The following ASAP2 variants were observed in gnomAD, a reference collection of about 807,000 sequenced individuals.
ASAP2 encodes ArfGAP with SH3 domain, ankyrin repeat and PH domain 2, also known as arf-GAP with SH3 domain, ANK repeat and PH domain-containing protein 2.
Under a neutral mutation model 131.4 loss-of-function variants are expected in ASAP2, and 45 were observed. That is an observed-to-expected ratio of 0.34 (90% confidence interval 0.27 to 0.44). The LOEUF is 0.44. Among genes scored for constraint, ASAP2 ranks in the 20% least tolerant of loss-of-function variants. The pLI is 1.00. For synonymous variants in ASAP2, 510 were observed against 503.0 expected (o/e 1.01, Z -0.19); for missense variants, 1,011 against 1,297.0 (o/e 0.78, Z 3.39).
intron 4 of ASAP2, 25 bp from the exon 5 acceptor site, chr2:9,320,263 C>A: frequency 6.3e-7 from 1 of 1,594,468 alleles, no homozygotes; most frequent in Non-Finnish European, 8.6e-7. Context: ...TTAGTCTTGC[C>A]TAATTTATTA....
At position 9,270,937 on chromosome 2, in the gene ASAP2, T is replaced by C. The variant is rs371266206; in HGVS notation, c.127-8380T>C. ...CCTCCCGAGTAGCTGGGACTACAGG[T>C]GCCCGCCACTACGCCCGGCTAATTT... On this transcript the variant is annotated intron_variant, in intron 1 of 27. Coordinates refer to ENST00000281419, the MANE Select transcript of ASAP2 (RefSeq NM_003887.3). 2.2e-3 allele frequency among the ~76,000 whole-genome samples: 334 copies of C among 151,260 alleles called. 2 individuals carry two copies. The highest frequency in any genetic ancestry group is 7.0e-3 in the African/African-American group (289 of 41,198).
intron 11 of ASAP2, 36 bp downstream of exon 11, chr2:9,344,836 A>G (rs760314853): frequency 1.6e-5 from 25 of 1,582,094 alleles, no homozygotes; most frequent in Non-Finnish European, 2.2e-5. Flanking sequence ...TGTCTGCTGT[A>G]TTAGGTGAGG....
At chr2:9,221,057 G>T (rs1225930778) in intron 1 of ASAP2, among the ~76,000 whole-genome samples, 3 of 151,932 alleles carry the variant, frequency 2.0e-5, no homozygotes, top group Non-Finnish European at 4.4e-5. Flanking sequence ...TTAACTGTAG[G>T]CCTTATGGTA....
At chr2:9,263,190 A>G (rs1452097085) in intron 1 of ASAP2, among the ~76,000 whole-genome samples, 3 of 151,758 alleles carry the variant, frequency 2.0e-5, no homozygotes, top group African/African-American at 7.3e-5. Flanking sequence ...TTCTGGTGTC[A>G]TGTCCCCTCT....
chr2:9,334,676 G>C (rs1671082028), intron 7 of ASAP2, 62 bp from the exon 8 acceptor site: 13 of 1,505,336 alleles, frequency 8.6e-6, no homozygotes, highest in Non-Finnish European at 1.0e-5. Context: ...TTTTTAATCT[G>C]TCTGACAAAA....
At position 9,207,184 on chromosome 2, in the gene ASAP2, C is replaced by G; in HGVS notation, c.80C>G (p.Thr27Ser). The G allele has an allele frequency of 1.2e-6, 2 of 1,604,582 alleles. No homozygotes were observed. The highest frequency in any genetic ancestry group is 2.2e-5 in the South Asian group (2 of 89,974). ...AAGGCGCCCACGGCCTCCAGCTTCA[C>G]CACCCGCACGGCGCAGTGCCGGAAC... ...DYKAPTASSFTTRTAQCRNTV... is the reference protein window; with the variant it reads ...DYKAPTASSFSTRTAQCRNTV... Residue 27 changes from threonine (T) to serine (S), a missense_variant, in exon 1 of 28, where the codon ACC (threonine) becomes AGC (serine). Thr to Ser is a moderately conservative substitution (Grantham distance 58). Around this residue, in one of 2 missense-constraint regions of ASAP2, gnomAD observed 359 missense variants for 598.1 expected, o/e 0.60. Coordinates refer to ENST00000281419, the MANE Select transcript of ASAP2 (RefSeq NM_003887.3). The surrounding 1 kb of genome is among the most constrained non-coding windows in gnomAD (Gnocchi z 4.1).
At chr2:9,337,236 TG>T (rs1025242045) in intron 9 of ASAP2, among the ~76,000 whole-genome samples, 5 of 152,240 alleles carry the variant, frequency 3.3e-5, no homozygotes, top group African/African-American at 4.8e-5. Context: ...CTCCTAGTTG[TG>T]GGCGTGTTGT....
chr2:9,231,657 G>A (rs897072968), intron 1 of ASAP2, among the ~76,000 whole-genome samples: 1 of 152,192 alleles, frequency 6.6e-6, no homozygotes, highest in African/African-American at 2.4e-5. Flanking sequence ...GCACAGCAGC[G>A]GGCCTGTCTG....
At chr2:9,216,777 ATT>A (rs1262881436) in intron 1 of ASAP2, among the ~76,000 whole-genome samples, 1 of 151,146 alleles carries the variant, frequency 6.6e-6, no homozygotes, top group African/African-American at 2.4e-5. Context: ...TAATTTTTGT[ATT>A]TTTTTGTAGA....
At chr2:9,353,643 T>C (rs936107388) in intron 12 of ASAP2, among the ~76,000 whole-genome samples, 5 of 152,190 alleles carry the variant, frequency 3.3e-5, no homozygotes, top group African/African-American at 9.6e-5. Context: ...TGTGTGCATC[T>C]GCCAGGCACT....
At position 9,327,900 on chromosome 2, in the gene ASAP2, T is replaced by G; in HGVS notation, c.675T>G (p.His225Gln). 1 of 1,575,894 alleles carries G rather than the reference T, an allele frequency of 6.3e-7. No individual in the cohort carries two copies. The highest frequency in any genetic ancestry group is 8.6e-7 in the Non-Finnish European group (1 of 1,167,820). Reference protein sequence around the residue: ...DLLQNLIKYFHAQCNFFQDGL... With the variant: ...DLLQNLIKYFQAQCNFFQDGL... ...TTCAGAATCTGATCAAATACTTTCA[T>G]GCCCAATGCAAGTAAGTTCTTCTCT... The change falls in exon 7 of 28, where the codon CAT (histidine) becomes CAG (glutamine). Residue 225 changes from histidine (H) to glutamine (Q), a missense_variant. Physicochemically the swap from His to Gln is conservative, Grantham distance 24 (BLOSUM62 0). This residue lies in a region of ASAP2 where 359 missense variants were observed against 598.1 expected (regional missense o/e 0.60). Coordinates refer to ENST00000281419, the MANE Select transcript of ASAP2 (RefSeq NM_003887.3).
chr2:9,358,291 T>C (rs1672846232), intron 14 of ASAP2, among the ~76,000 whole-genome samples: 1 of 152,262 alleles, frequency 6.6e-6, no homozygotes, highest in African/African-American at 2.4e-5. Context: ...GCATATCTTA[T>C]GTACATAGTA....
chr2:9,357,717 C>A (rs965781566), intron 14 of ASAP2, among the ~76,000 whole-genome samples: 3 of 152,152 alleles, frequency 2.0e-5, no homozygotes, highest in African/African-American at 7.2e-5. Flanking sequence ...CTCCGCAAAG[C>A]ACAAATACAG....
chr2:9,250,051 T>C (rs766125300), intron 1 of ASAP2, among the ~76,000 whole-genome samples: 7 of 152,242 alleles, frequency 4.6e-5, no homozygotes, highest in Non-Finnish European at 7.3e-5. Context: ...ACTTACTCAC[T>C]TGAGTTTCAG....
At chr2:9,342,813 A>G (rs1313762575) in intron 9 of ASAP2, among the ~76,000 whole-genome samples, 7 of 152,196 alleles carry the variant, frequency 4.6e-5, no homozygotes, top group African/African-American at 1.4e-4. Flanking sequence ...GTATTTGTCT[A>G]GCTTCCCTGG....
At chr2:9,264,439 C>T (rs1468684121) in intron 1 of ASAP2, among the ~76,000 whole-genome samples, 1 of 152,130 alleles carries the variant, frequency 6.6e-6, no homozygotes, top group Non-Finnish European at 1.5e-5. Context: ...CTGCTGTTCT[C>T]ATTATGAGTC....
chr2:9,254,236 A>AATATAT (rs34570938), intron 1 of ASAP2, among the ~76,000 whole-genome samples: 14 of 47,108 alleles, frequency 3.0e-4, no homozygotes, highest in African/African-American at 9.7e-4. Context: ...AAAAAAAAAA[A>AATATAT]ATATATATAT....
At chr2:9,229,151 C>T (rs1175515724) in intron 1 of ASAP2, among the ~76,000 whole-genome samples, 2 of 151,104 alleles carry the variant, frequency 1.3e-5, no homozygotes, top group South Asian at 2.1e-4. Flanking sequence ...GATGTGGAGC[C>T]CCCCCCGCAT....
intron 22 of ASAP2, among the ~76,000 whole-genome samples, chr2:9,390,130 T>C (rs893935759): frequency 2.0e-5 from 3 of 152,236 alleles, no homozygotes; most frequent in Non-Finnish European, 4.4e-5. Context: ...TTTTCCTTTT[T>C]CTTTTTGCCG....
Sources: allele counts gnomAD v4.1 joint callset (sites outside exome capture counted in the v4.1 genomes callset), GRCh38; gene constraint gnomAD v4.1.1; regional missense constraint gnomAD v4.1.1; non-coding constraint Gnocchi (gnomAD v3.1); transcripts MANE v1.5; gene names NCBI Gene and HGNC (gene_info 2026-07-23, HGNC 2026-07-21).